The following IGF1R variants were observed in gnomAD, a reference collection of about 807,000 sequenced individuals.
IGF1R encodes the protein insulin like growth factor 1 receptor.
Under a neutral mutation model 144.6 loss-of-function variants are expected in IGF1R, and 44 were observed. That is an observed-to-expected ratio of 0.30 (90% confidence interval 0.24 to 0.39). The LOEUF is 0.39. IGF1R is among the 10% of genes least tolerant of loss of function. The probability of loss-of-function intolerance (pLI) is 1.00; values close to 1 mark genes in which losing one functional copy is unlikely to be tolerated. For missense variants in IGF1R, 1,355 were observed against 1,833.7 expected (o/e 0.74, Z 4.77); for synonymous variants, 795 against 722.8 (o/e 1.10, Z -1.60).
intron 1 of IGF1R, among the ~76,000 whole-genome samples, chr15:98,671,586 T>C (rs2052894003): frequency 1.3e-5 from 2 of 152,318 alleles, no homozygotes; most frequent in African/African-American, 4.8e-5. Flanking sequence ...TCAGCTCTTT[T>C]AAGATTCAGA....
chr15:98,732,951 G>A (rs969191972), intron 2 of IGF1R, among the ~76,000 whole-genome samples: 1 of 152,144 alleles, frequency 6.6e-6, no homozygotes, highest in Admixed American at 6.5e-5. Flanking sequence ...GACTCCCAAG[G>A]GAAGAGGTTG....
chr15:98,789,155 T>C (rs2056073403), intron 2 of IGF1R, among the ~76,000 whole-genome samples: 1 of 152,242 alleles, frequency 6.6e-6, no homozygotes, highest in Non-Finnish European at 1.5e-5. Flanking sequence ...ACTCAGATCG[T>C]GATTGCCAAC....
At chr15:98,931,243 T>C (rs1336396359) in intron 15 of IGF1R, among the ~76,000 whole-genome samples, 2 of 152,100 alleles carry the variant, frequency 1.3e-5, no homozygotes, top group African/African-American at 2.4e-5. Flanking sequence ...ATTCATCAAA[T>C]GAATAATAAA....
intron 5 of IGF1R, chr15:98,900,737 G>A (rs2014440499): frequency 6.6e-6 from 1 of 152,138 alleles, no homozygotes; most frequent in African/African-American, 2.4e-5. Context: ...TCACTTACCT[G>A]GCAAGCTGAG....
At chr15:98,812,096 G>A (rs921024371) in intron 2 of IGF1R, among the ~76,000 whole-genome samples, 2 of 152,096 alleles carry the variant, frequency 1.3e-5, no homozygotes, top group African/African-American at 2.4e-5. Context: ...AATAGCCTTC[G>A]AAACCACATC....
chr15:98,678,894 AG>A (rs1169250474), intron 1 of IGF1R, among the ~76,000 whole-genome samples: 1 of 148,686 alleles, frequency 6.7e-6, no homozygotes, highest in African/African-American at 2.5e-5. Flanking sequence ...GGTCTGTTCC[AG>A]GGTTCTGGTT....
At chr15:98,752,696 AAAG>A (rs1162821013) in intron 2 of IGF1R, among the ~76,000 whole-genome samples, 2 of 151,544 alleles carry the variant, frequency 1.3e-5, no homozygotes, top group Non-Finnish European at 2.9e-5. Flanking sequence ...AGAAAAAAAA[AAAG>A]AAAGTATGTG....
chr15:98,826,187 A>G (rs1245432387), intron 2 of IGF1R, among the ~76,000 whole-genome samples: 1 of 152,242 alleles, frequency 6.6e-6, no homozygotes, highest in Non-Finnish European at 1.5e-5. Context: ...ATATTGCGGG[A>G]GTTCAGTAAA....
intron 2 of IGF1R, among the ~76,000 whole-genome samples, chr15:98,748,573 ATTGAC>A (rs2054927053): frequency 6.6e-6 from 1 of 152,234 alleles, no homozygotes; most frequent in South Asian, 2.1e-4. Flanking sequence ...GTCATTTTCT[ATTGAC>A]TTGCACTCCA....
At chr15:98,804,855 T>C (rs1427941343) in intron 2 of IGF1R, among the ~76,000 whole-genome samples, 1 of 152,158 alleles carries the variant, frequency 6.6e-6, no homozygotes, top group Non-Finnish European at 1.5e-5. Context: ...CCACCACGCC[T>C]GGCTAATTTT....
At chr15:98,728,189 A>C (rs1288373037) in intron 2 of IGF1R, among the ~76,000 whole-genome samples, 3 of 151,964 alleles carry the variant, frequency 2.0e-5, no homozygotes, top group Non-Finnish European at 4.4e-5. Flanking sequence ...ACACACCCCC[A>C]GCTATTCAAG....
At chr15:98,743,118 A>G (rs906563037) in intron 2 of IGF1R, among the ~76,000 whole-genome samples, 5 of 152,148 alleles carry the variant, frequency 3.3e-5, no homozygotes, top group Non-Finnish European at 7.3e-5. Context: ...TCTACCAGTG[A>G]CTAGTCCTAA....
intron 2 of IGF1R, among the ~76,000 whole-genome samples, chr15:98,738,517 CAG>C (rs560026230): frequency 2.6e-5 from 4 of 152,282 alleles, no homozygotes; most frequent in African/African-American, 9.6e-5. Flanking sequence ...GCCTGGGCAA[CAG>C]AGTGAGACTC....
chr15:98,690,150 T>A (rs747907106), intron 1 of IGF1R, among the ~76,000 whole-genome samples: 2 of 152,132 alleles, frequency 1.3e-5, no homozygotes, highest in Non-Finnish European at 2.9e-5. Flanking sequence ...AAGACCAGCC[T>A]GGACAACATA....
chr15:98,957,050 C>G lies in IGF1R; in HGVS notation c.3723-11C>G. 6.2e-7 allele frequency: 1 copy of G among 1,614,094 alleles called. No homozygotes were observed. The highest frequency in any genetic ancestry group is 8.5e-7 in the Non-Finnish European group (1 of 1,180,024). On this transcript the variant is annotated splice_polypyrimidine_tract_variant and intron_variant, in intron 20 of 20. Coordinates refer to ENST00000650285, the MANE Select transcript of IGF1R (RefSeq NM_000875.5). ...CCGGTTTGGACCCCCTCCCGTGTGT[C>G]TTGGCTGCAGGTTTGAACTGATGCG...
intron 2 of IGF1R, among the ~76,000 whole-genome samples, chr15:98,828,496 G>A (rs1431362449): frequency 6.6e-6 from 1 of 152,152 alleles, no homozygotes; most frequent in Non-Finnish European, 1.5e-5. Context: ...TTCAAACAGA[G>A]GAAGATAGAG....
chr15:98,666,262 A>T (rs1489127569), intron 1 of IGF1R, among the ~76,000 whole-genome samples: 1 of 152,164 alleles, frequency 6.6e-6, no homozygotes, highest in East Asian at 1.9e-4. Flanking sequence ...CTTGTGCCTT[A>T]CTGGTGAGAC....
intron 2 of IGF1R, among the ~76,000 whole-genome samples, chr15:98,816,604 C>G (rs1321979898): frequency 6.6e-6 from 1 of 152,232 alleles, no homozygotes; most frequent in Non-Finnish European, 1.5e-5. Flanking sequence ...CTTACCCACT[C>G]TGTAGCTGCA....
At position 98,656,089 on chromosome 15, in the gene IGF1R, G is replaced by A. The variant is rs111868293; in HGVS notation, c.94+6414G>A. Among the ~76,000 whole-genome samples, 131 of 152,330 alleles carry A rather than the reference G, an allele frequency of 8.6e-4. 1 individual carries two copies. Among genetic ancestry groups the A allele is most frequent in the African/African-American group, 3.1e-3 (128 of 41,582 alleles). ...TGGTGAGGGATGAACACCTACGATT[G>A]CAATATAAGTTGTTGGGCCTTGTGT... On this transcript the variant is annotated intron_variant, in intron 1 of 20. Transcript: ENST00000650285.
Sources: gnomAD v4.1 joint callset for allele counts (sites outside exome capture counted in the v4.1 genomes callset) on GRCh38, gnomAD v4.1.1 for gene constraint, MANE v1.5 for transcripts, NCBI Gene and HGNC (gene_info 2026-07-23, HGNC 2026-07-21) for gene names.